Variants in FAM13A observed in about 807,000 individuals in gnomAD.
The protein encoded by FAM13A is family with sequence similarity 13 member A, also known as protein FAM13A.
FAM13A carries 76 observed loss-of-function variants against 129.6 expected under a neutral mutation model. The observed-to-expected ratio is 0.59, with a 90% CI of 0.49 to 0.71. The LOEUF (loss-of-function observed/expected upper bound fraction) is 0.71, where lower values mean the gene tolerates loss of function less well. FAM13A is among the 30% of genes least tolerant of loss of function. The probability of loss-of-function intolerance (pLI) is 0.00; values close to 1 mark genes in which losing one functional copy is unlikely to be tolerated. For synonymous variants in FAM13A, 443 were observed against 449.9 expected, an observed-to-expected ratio of 0.98 and a Z score of 0.20; for missense variants, 1,108 against 1,249.3, an observed-to-expected ratio of 0.89 and a Z score of 1.70.
chr4:88,955,059 C>T (rs1016512021), intron 4 of FAM13A, among the ~76,000 whole-genome samples: 2 of 152,014 alleles, frequency 1.3e-5, no homozygotes, highest in South Asian at 4.1e-4. Context: ...ATAGAGCTTC[C>T]TTCATACCTC....
chr4:88,873,164 C>T (rs2150084797), intron 6 of FAM13A, among the ~76,000 whole-genome samples: 1 of 152,246 alleles, frequency 6.6e-6, no homozygotes, highest in South Asian at 2.1e-4. Context: ...ATTTATAGCA[C>T]TAAATGCCCA....
chr4:89,032,923 G>T (rs538340206), intron 1 of FAM13A, among the ~76,000 whole-genome samples: 2 of 152,256 alleles, frequency 1.3e-5, no homozygotes, highest in East Asian at 3.9e-4. Flanking sequence ...ACAGAAAATG[G>T]GTACTACTCT....
intron 7 of FAM13A, among the ~76,000 whole-genome samples, chr4:88,850,563 A>G (rs1334792711): frequency 6.6e-6 from 1 of 152,218 alleles, no homozygotes; most frequent in African/African-American, 2.4e-5. Context: ...TCTCAAAAAA[A>G]AAAATTGCAG....
chr4:88,972,407 C>T (rs7654714), intron 4 of FAM13A, among the ~76,000 whole-genome samples: 105,134 of 151,438 alleles, frequency 0.69, 36,562 homozygotes, highest in Middle Eastern at 0.8. Flanking sequence ...GTTCAAGCAA[C>T]TCTCCTGCCT....
intron 4 of FAM13A, among the ~76,000 whole-genome samples, chr4:88,957,674 G>A (rs1757969324): frequency 6.6e-6 from 1 of 152,166 alleles, no homozygotes; most frequent in African/African-American, 2.4e-5. Flanking sequence ...GGAAGACAAG[G>A]AAATGTATGG....
intron 7 of FAM13A, among the ~76,000 whole-genome samples, chr4:88,826,331 AC>A (rs1349288562): frequency 4.9e-5 from 7 of 142,084 alleles, no homozygotes; most frequent in African/African-American, 1.8e-4. Flanking sequence ...AAAAAAAAAA[AC>A]CATTCCTGAC....
At position 88,991,024 on chromosome 4, in the gene FAM13A, T is replaced by G. The variant is rs1269594566; in HGVS notation, c.554A>C (p.Asn185Thr). ...GGCGAGATTGTGAACATTCATGCGA[T>G]TCTGCACATGATGCTTGGCTACTTT... ...LTKVAKHHVQ[N>T]RMNVHNLATV... The change falls in exon 4 of 24, where the codon AAT (asparagine) becomes ACT (threonine). Residue 185 changes from asparagine (N) to threonine (T), a missense_variant. Physicochemically the swap from Asn to Thr is moderately conservative, Grantham distance 65 (BLOSUM62 0). Around this residue, in one of 3 missense-constraint regions of FAM13A, gnomAD observed 566 missense variants for 595.7 expected, o/e 0.95. Transcript: ENST00000264344. 2 of 1,614,068 alleles carry G rather than the reference T, an allele frequency of 1.2e-6. No individual in the cohort carries two copies. The highest frequency in any genetic ancestry group is 3.3e-5 in the Admixed American group (2 of 60,002).
In FAM13A at chr4:88,750,538, T is replaced by C. The variant is rs779991552; in HGVS notation, c.1826A>G (p.Asp609Gly). ...QAGRLIRQLL[D>G]EDSDPMLSPR... Reference sequence around the variant, plus strand: ...AGAGAGCATGGGGTCGCTGTCTTCGTCCAGCAGCTGACGGATCAGGCGCCC... The same window carrying C: ...AGAGAGCATGGGGTCGCTGTCTTCGCCCAGCAGCTGACGGATCAGGCGCCC... Residue 609 changes from aspartate to glycine, a missense_variant, in exon 15 of 24, where the codon GAC (aspartate) becomes GGC (glycine). Around this residue, in one of 3 missense-constraint regions of FAM13A, gnomAD observed 529 missense variants for 621.2 expected, o/e 0.85. Transcript: ENST00000264344. The C allele has an allele frequency of 6.2e-7, 1 of 1,614,134 alleles. No individual in the cohort carries two copies. Among genetic ancestry groups the C allele is most frequent in the South Asian group, 1.1e-5 (1 of 91,080 alleles).
intron 7 of FAM13A, among the ~76,000 whole-genome samples, chr4:88,838,721 C>G (rs1238768288): frequency 1.9e-5 from 2 of 107,662 alleles, no homozygotes; most frequent in African/African-American, 8.2e-5. Context: ...AGCAAGACTC[C>G]GTCTCAAAAA....
chr4:88,940,560 C>A (rs1221619756), intron 4 of FAM13A, among the ~76,000 whole-genome samples: 1 of 152,158 alleles, frequency 6.6e-6, no homozygotes, highest in Non-Finnish European at 1.5e-5. Flanking sequence ...TTTTCAGACT[C>A]TCCAAATAGA....
At chr4:88,843,017 T>G (rs1005224501) in intron 7 of FAM13A, among the ~76,000 whole-genome samples, 2 of 152,238 alleles carry the variant, frequency 1.3e-5, no homozygotes, top group African/African-American at 4.8e-5. Flanking sequence ...GATATTTCAC[T>G]TATATGAAAT....
At chr4:88,807,458 G>A (rs1728798243) in intron 7 of FAM13A, among the ~76,000 whole-genome samples, 1 of 152,196 alleles carries the variant, frequency 6.6e-6, no homozygotes, top group Non-Finnish European at 1.5e-5. Flanking sequence ...GAGAAAAGCA[G>A]TCTCAGAGTG....
intron 4 of FAM13A, among the ~76,000 whole-genome samples, chr4:88,960,863 T>C (rs1186095431): frequency 2.0e-5 from 3 of 152,164 alleles, no homozygotes; most frequent in African/African-American, 4.8e-5. Flanking sequence ...AAGCAACAGT[T>C]ACTAATCAGA....
chr4:88,823,396 C>T, intron 7 of FAM13A: 1 of 901,472 alleles, frequency 1.1e-6, no homozygotes, highest in Middle Eastern at 4.7e-4. Context: ...TCCTCCTTCT[C>T]TCCTCCTGCT....
intron 4 of FAM13A, among the ~76,000 whole-genome samples, chr4:88,947,560 A>C (rs1579433145): frequency 6.6e-6 from 1 of 152,166 alleles, no homozygotes. Flanking sequence ...CATAATAATA[A>C]ATTTCTGTCT....
intron 6 of FAM13A, among the ~76,000 whole-genome samples, chr4:88,868,797 C>T (rs779231949): frequency 1.2e-4 from 19 of 152,144 alleles, no homozygotes; most frequent in African/African-American, 2.4e-4. Flanking sequence ...CTCTCTATGA[C>T]GTCAACTCAG....
In FAM13A at chr4:88,986,209, C is replaced by T. The variant is rs1762226829; in HGVS notation, c.605+4764G>A. Among the ~76,000 whole-genome samples the T allele has an allele frequency of 2.6e-5, 4 of 151,620 alleles. No homozygotes were observed. In the South Asian group the frequency reaches 8.3e-4, roughly 32 times the overall value. ...AGTGCAGTGGCACAATATCAGCTTA[C>T]TGCAACCTCCACCTCCCGGGTTCAA... On this transcript the variant is annotated intron_variant, in intron 4 of 23. Coordinates refer to ENST00000264344, the MANE Select transcript of FAM13A (RefSeq NM_014883.4).
chr4:89,006,085 T>A (rs532933404), intron 3 of FAM13A, among the ~76,000 whole-genome samples: 1 of 152,238 alleles, frequency 6.6e-6, no homozygotes. Context: ...GAATTTTGTA[T>A]ACGGTGTAAA....
chr4:88,830,363 C>T (rs1733699886), intron 7 of FAM13A, among the ~76,000 whole-genome samples: 1 of 152,062 alleles, frequency 6.6e-6, no homozygotes, highest in Non-Finnish European at 1.5e-5. Flanking sequence ...TTTTAGAAAG[C>T]AAACAGTGAT....
Sources: gnomAD v4.1 joint callset for allele counts (sites outside exome capture counted in the v4.1 genomes callset) on GRCh38, gnomAD v4.1.1 for gene constraint, gnomAD v4.1.1 regional missense constraint, MANE v1.5 for transcripts, NCBI Gene and HGNC (gene_info 2026-07-23, HGNC 2026-07-21) for gene names.